Variants in CAMKMT observed in about 807,000 individuals in gnomAD.
The protein encoded by CAMKMT is CaM KMT.
CAMKMT carries 53 observed loss-of-function variants against 48.0 expected under a neutral mutation model. The observed-to-expected ratio is 1.10, with a 90% CI of 0.89 to 1.39. CAMKMT has a LOEUF of 1.39. CAMKMT is among the 40% of genes most tolerant of loss of function. The pLI, the probability that CAMKMT is intolerant of heterozygous loss-of-function variation, is 0.00. For missense variants in CAMKMT, 428 were observed against 402.7 expected (o/e 1.06, Z -0.54); for synonymous variants, 165 against 152.3 (o/e 1.08, Z -0.61).
intron 3 of CAMKMT, among the ~76,000 whole-genome samples, chr2:44,601,815 C>T (rs897002087): frequency 3.3e-5 from 5 of 151,410 alleles, no homozygotes; most frequent in African/African-American, 1.2e-4. Context: ...TTAATTTTTC[C>T]TACTAAGAAG....
At chr2:44,754,661 A>T (rs1198035806) in intron 9 of CAMKMT, among the ~76,000 whole-genome samples, 1 of 152,222 alleles carries the variant, frequency 6.6e-6, no homozygotes, top group African/African-American at 2.4e-5. Context: ...CAATGAAGCC[A>T]AGCATGGCAT....
chr2:44,614,857 C>G (rs1422230314), intron 3 of CAMKMT, among the ~76,000 whole-genome samples: 4 of 150,350 alleles, frequency 2.7e-5, no homozygotes, highest in African/African-American at 7.3e-5. Context: ...CATCATCAGT[C>G]TGCTACTACT....
intron 3 of CAMKMT, among the ~76,000 whole-genome samples, chr2:44,453,262 A>G (rs1322631739): frequency 1.3e-5 from 2 of 152,074 alleles, no homozygotes; most frequent in African/African-American, 2.4e-5. Context: ...TATATGTTCA[A>G]TAAGGTTTTT....
intron 8 of CAMKMT, among the ~76,000 whole-genome samples, chr2:44,745,462 G>A (rs968235478): frequency 3.9e-5 from 6 of 152,086 alleles, no homozygotes; most frequent in Admixed American, 2.0e-4. Flanking sequence ...ACAGGGTCAC[G>A]TACACTGATA....
intron 7 of CAMKMT, among the ~76,000 whole-genome samples, chr2:44,742,277 C>T (rs1679720183): frequency 6.6e-6 from 1 of 152,184 alleles, no homozygotes; most frequent in South Asian, 2.1e-4. Flanking sequence ...TTCCTAATTT[C>T]CTTCATTTCT....
intron 3 of CAMKMT, among the ~76,000 whole-genome samples, chr2:44,573,935 A>G (rs1356475050): frequency 6.6e-6 from 1 of 152,038 alleles, no homozygotes; most frequent in African/African-American, 2.4e-5. Flanking sequence ...TGCTTTAATT[A>G]TTTTATAGTT....
At chr2:44,678,557 A>G (rs866962172) in intron 3 of CAMKMT, among the ~76,000 whole-genome samples, 1 of 152,236 alleles carries the variant, frequency 6.6e-6, no homozygotes, top group Non-Finnish European at 1.5e-5. Context: ...GTGCATAATC[A>G]AATTCTAAAG....
chr2:44,398,112 C>T (rs1162784171), intron 3 of CAMKMT, among the ~76,000 whole-genome samples: 1 of 152,152 alleles, frequency 6.6e-6, no homozygotes, highest in Non-Finnish European at 1.5e-5. Flanking sequence ...TTGTCAGGAG[C>T]TTTGTAAGTA....
chr2:44,394,914 C>T (rs1188626575), intron 3 of CAMKMT: 1 of 454,638 alleles, frequency 2.2e-6, no homozygotes, highest in Non-Finnish European at 4.4e-6. Context: ...GTCCCAGCTA[C>T]TCAGAAGGCT....
At chr2:44,624,995 C>T (rs1040557071) in intron 3 of CAMKMT, among the ~76,000 whole-genome samples, 2 of 151,130 alleles carry the variant, frequency 1.3e-5, no homozygotes, top group East Asian at 3.9e-4. Context: ...CTGTTGTTTC[C>T]TGACTTTCTA....
chr2:44,393,751 T>A (rs957661143), intron 3 of CAMKMT, among the ~76,000 whole-genome samples: 2 of 152,158 alleles, frequency 1.3e-5, no homozygotes, highest in African/African-American at 4.8e-5. Flanking sequence ...ATACCTTGGG[T>A]AACAAGGGAG....
intron 3 of CAMKMT, among the ~76,000 whole-genome samples, chr2:44,684,490 CA>C (rs1278577015): frequency 4.8e-4 from 66 of 138,938 alleles, no homozygotes; most frequent in Middle Eastern, 3.6e-3. Context: ...GAGAAGGGGA[CA>C]AAAAAAAAAA....
intron 3 of CAMKMT, among the ~76,000 whole-genome samples, chr2:44,531,871 T>C (rs910702943): frequency 6.6e-6 from 1 of 152,196 alleles, no homozygotes; most frequent in African/African-American, 2.4e-5. Flanking sequence ...TTTTGTCTTA[T>C]CACAGTTTTA....
chr2:44,386,069 G>T (rs1680752082), intron 2 of CAMKMT, among the ~76,000 whole-genome samples: 1 of 151,984 alleles, frequency 6.6e-6, no homozygotes, highest in Non-Finnish European at 1.5e-5. Context: ...TTCTTTCAAT[G>T]TCTGGTAGAA....
intron 3 of CAMKMT, among the ~76,000 whole-genome samples, chr2:44,624,722 T>C (rs1390603411): frequency 1.3e-5 from 2 of 152,186 alleles, no homozygotes; most frequent in African/African-American, 4.8e-5. Context: ...ATCCAGTCTA[T>C]CATTGTTGGA....
chr2:44,456,828 C>T, intron 3 of CAMKMT: 1 of 462,210 alleles, frequency 2.2e-6, no homozygotes. Context: ...CCTTCTCCAG[C>T]CCAATTATGT....
At chr2:44,610,046 A>G (rs1671512645) in intron 3 of CAMKMT, among the ~76,000 whole-genome samples, 1 of 152,250 alleles carries the variant, frequency 6.6e-6, no homozygotes, top group Non-Finnish European at 1.5e-5. Flanking sequence ...GTCACAGAAC[A>G]TAATGACCTC....
At chr2:44,507,436 T>C (rs1284278463) in intron 3 of CAMKMT, among the ~76,000 whole-genome samples, 1 of 152,146 alleles carries the variant, frequency 6.6e-6, no homozygotes, top group South Asian at 2.1e-4. Flanking sequence ...TTTTATTGAC[T>C]GCAAAAAAGC....
chr2:44,575,239 C>T (rs371639334), intron 3 of CAMKMT, among the ~76,000 whole-genome samples: 4 of 151,838 alleles, frequency 2.6e-5, no homozygotes, highest in African/African-American at 9.7e-5. Flanking sequence ...CCACCACTCT[C>T]GGCTAATTTT....
Sources: gnomAD v4.1 joint callset for allele counts (sites outside exome capture counted in the v4.1 genomes callset) on GRCh38, gnomAD v4.1.1 for gene constraint, MANE v1.5 for transcripts, NCBI Gene and HGNC (gene_info 2026-07-23, HGNC 2026-07-21) for gene names.